TEC: variants seen among roughly 807,000 people sequenced by gnomAD.
The protein encoded by TEC is tec protein tyrosine kinase.
A neutral mutation model predicts 93.0 loss-of-function variants in TEC; 72 were observed. That is an observed-to-expected ratio of 0.77 (90% CI 0.64 to 0.94). The LOEUF is 0.94. Ranked by LOEUF, TEC falls within the 40% of genes least tolerant of loss-of-function variation. The pLI, the probability that TEC is intolerant of heterozygous loss-of-function variation, is 0.00. For synonymous variants in TEC, 249 were observed against 247.7 expected (o/e 1.01, Z -0.05); for missense variants, 630 against 757.9 (o/e 0.83, Z 1.98).
At chr4:48,240,514 C>T (rs17655449) in intron 1 of TEC, among the ~76,000 whole-genome samples, 18,589 of 152,040 alleles carry the variant, frequency 0.12, 1,431 homozygotes, top group East Asian at 0.24. Context: ...ATGTAATCTG[C>T]GCTACCTCTT....
intron 1 of TEC, among the ~76,000 whole-genome samples, chr4:48,247,299 AATGGT>A (rs752220015): frequency 6.6e-5 from 10 of 152,240 alleles, no homozygotes; most frequent in Non-Finnish European, 1.3e-4. Flanking sequence ...GGAAATGTAA[AATGGT>A]ACAGGCACTG....
rs1724266522 is a variant in TEC, at chr4:48,253,654, C to G, written c.-46+16098G>C. ...TGACACAATCTCAGCTTACTGCAAC[C>G]TCCTCCACCTCCCAGGTTCAAACAA... On this transcript the variant is annotated intron_variant, in intron 1 of 17. Coordinates refer to ENST00000381501, the MANE Select transcript of TEC (RefSeq NM_003215.3). Among the ~76,000 whole-genome samples the G allele has an allele frequency of 2.7e-5, 4 of 150,654 alleles. No individual in the cohort carries two copies. The Admixed American group carries it at 2.7e-4, about 10-fold the overall frequency.
chr4:48,152,170 A>T (rs1270072901), intron 9 of TEC, among the ~76,000 whole-genome samples: 3 of 152,194 alleles, frequency 2.0e-5, no homozygotes, highest in African/African-American at 2.4e-5. Flanking sequence ...TCATACCTGT[A>T]ATCCCAGCAC....
At chr4:48,203,085 C>T (rs937552147) in intron 2 of TEC, among the ~76,000 whole-genome samples, 1 of 152,154 alleles carries the variant, frequency 6.6e-6, no homozygotes, top group Non-Finnish European at 1.5e-5. Context: ...ATTTTATGGC[C>T]AGGCACAGTG....
At chr4:48,231,813 G>A (rs574035160) in intron 1 of TEC, among the ~76,000 whole-genome samples, 2 of 152,122 alleles carry the variant, frequency 1.3e-5, no homozygotes, top group East Asian at 1.9e-4. Context: ...TCTCATAAAC[G>A]GGCCATGTGT....
chr4:48,263,940 A>G (rs1023621808), intron 1 of TEC, among the ~76,000 whole-genome samples: 9 of 152,222 alleles, frequency 5.9e-5, no homozygotes, highest in African/African-American at 2.2e-4. Context: ...ACACACTGCT[A>G]TGACTGAATG....
chr4:48,254,569 A>G (rs1460453231), intron 1 of TEC, among the ~76,000 whole-genome samples: 2 of 152,236 alleles, frequency 1.3e-5, no homozygotes, highest in Admixed American at 1.3e-4. Flanking sequence ...GTTGATTAGA[A>G]AGGCTGGTGG....
At chr4:48,150,422 C>A (rs1720108324) in intron 10 of TEC, among the ~76,000 whole-genome samples, 1 of 152,140 alleles carries the variant, frequency 6.6e-6, no homozygotes, top group African/African-American at 2.4e-5. Context: ...ATGACTAACT[C>A]AAGATGTGCC....
At chr4:48,266,140 G>A (rs1314934640) in intron 1 of TEC, among the ~76,000 whole-genome samples, 1 of 152,206 alleles carries the variant, frequency 6.6e-6, no homozygotes, top group Non-Finnish European at 1.5e-5. Flanking sequence ...ATTGTCAGTT[G>A]AAAACACATT....
chr4:48,179,376 A>T (rs13137949), intron 2 of TEC, among the ~76,000 whole-genome samples: 3,884 of 20,920 alleles, frequency 0.19, 456 homozygotes, highest in Middle Eastern at 0.38. Flanking sequence ...ATATATATAT[A>T]TTTTTTTTTT....
intron 2 of TEC, among the ~76,000 whole-genome samples, chr4:48,179,534 G>A (rs374209822): frequency 4.6e-5 from 7 of 151,236 alleles, no homozygotes; most frequent in African/African-American, 9.7e-5. Flanking sequence ...GATTCCAGGC[G>A]TGTGCCACCA....
intron 15 of TEC, among the ~76,000 whole-genome samples, chr4:48,139,818 A>G (rs887878841): frequency 6.6e-6 from 1 of 152,374 alleles, no homozygotes; most frequent in Admixed American, 6.5e-5. Context: ...AGGTTCCATG[A>G]GAAAATTTTC....
intron 1 of TEC, among the ~76,000 whole-genome samples, chr4:48,247,915 A>T (rs1724101829): frequency 6.6e-6 from 1 of 152,280 alleles, no homozygotes; most frequent in Admixed American, 6.5e-5. Context: ...TACAACATGT[A>T]AATATACAGA....
chr4:48,251,694 G>A (rs1724205261), intron 1 of TEC, among the ~76,000 whole-genome samples: 1 of 152,114 alleles, frequency 6.6e-6, no homozygotes, highest in Admixed American at 6.5e-5. Context: ...AGGACTCTAA[G>A]GAGTATGCAA....
At chr4:48,261,197 A>T (rs12510449) in intron 1 of TEC, among the ~76,000 whole-genome samples, 66,329 of 152,004 alleles carry the variant, frequency 0.44, 14,735 homozygotes, top group Middle Eastern at 0.52. Flanking sequence ...TAAGTATGTG[A>T]CAAAGACACT....
At chr4:48,186,871 G>T (rs558887434) in intron 2 of TEC, among the ~76,000 whole-genome samples, 2 of 146,600 alleles carry the variant, frequency 1.4e-5, no homozygotes, top group African/African-American at 5.0e-5. Flanking sequence ...GCCTCTGCCC[G>T]GCCGCCCCGT....
At chr4:48,237,863 T>C (rs955961092) in intron 1 of TEC, among the ~76,000 whole-genome samples, 4 of 152,218 alleles carry the variant, frequency 2.6e-5, no homozygotes, top group Non-Finnish European at 5.9e-5. Flanking sequence ...GTGACAAAGT[T>C]ACTATTTGTT....
intron 15 of TEC, 72 bp from the exon 16 acceptor site, chr4:48,139,094 T>C (rs1719555955): frequency 1.5e-6 from 2 of 1,354,174 alleles, no homozygotes; most frequent in East Asian, 2.3e-5. Context: ...CTTTCATTTT[T>C]TTCCCCTTGC....
At chr4:48,263,125 A>G (rs1368162855) in intron 1 of TEC, among the ~76,000 whole-genome samples, 1 of 152,192 alleles carries the variant, frequency 6.6e-6, no homozygotes, top group African/African-American at 2.4e-5. Flanking sequence ...ATCATCCACA[A>G]ACGGCAGGGT....
Sources: gnomAD v4.1 joint callset for allele counts (sites outside exome capture counted in the v4.1 genomes callset) on GRCh38, gnomAD v4.1.1 for gene constraint, MANE v1.5 for transcripts, NCBI Gene and HGNC (gene_info 2026-07-23, HGNC 2026-07-21) for gene names.